Variants in ZNF530 observed in about 807,000 individuals in gnomAD.
The protein encoded by ZNF530 is zinc finger protein 530.
Under a neutral mutation model 2.8 loss-of-function variants are expected in ZNF530, and 5 were observed. The observed-to-expected ratio is 1.80, with a 90% CI of 0.94 to 3.78. The LOEUF (loss-of-function observed/expected upper bound fraction) is 3.78, where lower values mean the gene tolerates loss of function less well. Ranked by LOEUF, ZNF530 falls within the 30% of genes most tolerant of loss-of-function variation. The pLI, the probability that ZNF530 is intolerant of heterozygous loss-of-function variation, is 0.00. For missense variants in ZNF530, 619 were observed against 673.3 expected, an observed-to-expected ratio of 0.92 and a Z score of 0.89; for synonymous variants, 229 against 235.0, an observed-to-expected ratio of 0.97 and a Z score of 0.23.
Position 57,607,955 on chromosome 19 carries a change from G to A in ZNF530, c.*630G>A, listed in dbSNP as rs1309556115. 6.5e-6 allele frequency: 1 copy of A among 153,464 alleles called. No homozygotes were observed. Among genetic ancestry groups the A allele is most frequent in the Non-Finnish European group, 1.4e-5 (1 of 69,020 alleles). 9.5% of individuals were successfully genotyped at this position (153,464 alleles called of 1,614,324 possible). On this transcript the variant is annotated 3_prime_UTR_variant, in exon 4 of 4. Transcript: ENST00000597700. ...CACTACCCGCTGGGAGACCCACAGA[G>A]TGTGCATCAGTCACCACCCCAACAT...
chr19:57,607,236 G>A lies in ZNF530; in HGVS notation c.1612G>A (p.Gly538Arg). 6.2e-7 allele frequency: 1 copy of A among 1,614,020 alleles called. No homozygotes were observed. The change falls in exon 4 of 4, where the codon GGA becomes AGA. Residue 538 changes from glycine to arginine, a missense_variant. Coordinates refer to ENST00000597700, the MANE Select transcript of ZNF530 (RefSeq NM_001321981.2). ...HLIQHKTVHT[G>R]ERPYECSECG... is the part of the protein sequence containing the mutation. ...CATTCAACACAAGACAGTTCACACT[G>A]GAGAAAGGCCTTATGAATGCAGTGA...
chr19:57,600,238 G>A, intron 1 of ZNF530, 104 bp downstream of exon 1: 2 of 1,310,654 alleles, frequency 1.5e-6, no homozygotes, highest in Non-Finnish European at 2.0e-6. Context: ...GCACAGTGAG[G>A]CGCTGGTGCT....
chr19:57,606,459 C>T lies in ZNF530; in HGVS notation c.835C>T (p.Gln279Ter). The change falls in exon 4 of 4, where the codon CAA (glutamine) becomes TAA (stop). Residue 279 changes from glutamine to a stop codon, truncating the protein, a stop_gained. Coordinates refer to ENST00000597700, the MANE Select transcript of ZNF530 (RefSeq NM_001321981.2). LOFTEE classifies it low-confidence loss of function (END_TRUNC). ...KSFRQVSVLI[Q>*]HQRVHTGERP... is the part of the protein sequence containing the mutation. ...CTTTCGCCAGGTATCTGTCCTCATTCAACATCAACGAGTTCACACTGGAGA... is the reference window on the plus strand; with the variant it reads ...CTTTCGCCAGGTATCTGTCCTCATTTAACATCAACGAGTTCACACTGGAGA... 6.2e-7 allele frequency: 1 copy of T among 1,613,820 alleles called. No homozygotes were observed. Among genetic ancestry groups the T allele is most frequent in the Non-Finnish European group, 8.5e-7 (1 of 1,179,934 alleles).
intron 1 of ZNF530, 79 bp downstream of exon 1, chr19:57,600,213 G>A (rs1980161941): frequency 1.3e-6 from 2 of 1,488,552 alleles, no homozygotes; most frequent in Admixed American, 2.1e-5. Flanking sequence ...TCTGCAGCCC[G>A]GACCGCACTG....
At position 57,606,161 on chromosome 19, in the gene ZNF530, A is replaced by G. The variant is rs749410948; in HGVS notation, c.537A>G (p.Lys179=). The G allele has an allele frequency of 1.2e-6, 2 of 1,614,246 alleles. No homozygotes were observed. Among genetic ancestry groups the G allele is most frequent in the Non-Finnish European group, 1.7e-6 (2 of 1,180,044 alleles). ...LRVPTGRKPL[K]YTESRKSFRE... The stretch of plus-strand genomic sequence containing the variant: ...TTCCCACTGGACGAAAGCCTCTCAA[A>G]TACACTGAATCCAGGAAATCTTTTA... The change falls in exon 4 of 4, where the codon AAA becomes AAG. Residue 179 remains lysine (K), a synonymous_variant. Coordinates refer to ENST00000597700, the MANE Select transcript of ZNF530 (RefSeq NM_001321981.2).
chr19:57,605,960 C>G lies in ZNF530; in HGVS notation c.336C>G (p.Leu112=), dbSNP rs1980495685. The G allele has an allele frequency of 2.5e-6, 4 of 1,614,208 alleles. No individual in the cohort carries two copies. Among genetic ancestry groups the G allele is most frequent in the Non-Finnish European group, 3.4e-6 (4 of 1,180,034 alleles). The change falls in exon 4 of 4, where the codon CTC becomes CTG. Residue 112 remains leucine, a synonymous_variant. Transcript: ENST00000597700. ...AGAAGCTTGATAATGGAGAGAAGCT[C>G]TTTAAAGTGGATGGGGACCAGGCCT... ...QLQKLDNGEK[L]FKVDGDQASF...
intron 3 of ZNF530, chr19:57,604,741 G>T: frequency 5.2e-6 from 1 of 193,788 alleles, no homozygotes; most frequent in Non-Finnish European, 1.1e-5. Flanking sequence ...AAAATCTCAA[G>T]CTGCCTGTTT....
At position 57,600,067 on chromosome 19, in the gene ZNF530, A is replaced by G; in HGVS notation, c.-189A>G. On this transcript the variant is annotated 5_prime_UTR_variant, in exon 1 of 4. Coordinates refer to ENST00000597700, the MANE Select transcript of ZNF530 (RefSeq NM_001321981.2). ...CAGCTTTGCTCTTGTCTCCGCCCGG[A>G]TCGTCCACCGCTCCCGGCCCGCTCC... 1 of 1,518,114 alleles carries G rather than the reference A, an allele frequency of 6.6e-7. No homozygotes were observed. The highest frequency in any genetic ancestry group is 8.9e-7 in the Non-Finnish European group (1 of 1,122,796). The allele number at this position is 1,518,114 out of a possible 1,614,324, so 94.0% of individuals were successfully genotyped here. A position where few individuals can be genotyped will look rare whatever the true frequency, so the allele number is the denominator to read the frequency against.
At chr19:57,610,448 GTA>G (rs55670702), downstream of ZNF530, among the ~76,000 whole-genome samples, 186 of 145,646 alleles carry the variant, frequency 1.3e-3, 1 homozygote, top group Admixed American at 9.2e-3. Flanking sequence ...GTGTGTGTGT[GTA>G]TACTTACTGT....
Position 57,604,407 on chromosome 19 carries a change from G to C in ZNF530, c.61+1G>C, listed in dbSNP as rs752065234. ...AACTTTGCAGTTATGGCATCCCTAGGTAAGGCCCTCCTATTCCTCCCAGTT... is the reference window on the plus strand; with the variant it reads ...AACTTTGCAGTTATGGCATCCCTAGCTAAGGCCCTCCTATTCCTCCCAGTT... On this transcript the variant is annotated splice_donor_variant, in intron 3 of 3. Coordinates refer to ENST00000597700, the MANE Select transcript of ZNF530 (RefSeq NM_001321981.2). LOFTEE classifies it high-confidence loss of function. 1 of 1,613,094 alleles carries C rather than the reference G, an allele frequency of 6.2e-7. No individual in the cohort carries two copies. The highest frequency in any genetic ancestry group is 8.5e-7 in the Non-Finnish European group (1 of 1,179,418).
intron 2 of ZNF530, among the ~76,000 whole-genome samples, 196 bp from the exon 3 acceptor site, chr19:57,604,081 C>T (rs1354025783): frequency 6.6e-6 from 1 of 152,150 alleles, no homozygotes; most frequent in Admixed American, 6.5e-5. Context: ...TATCTGTCCA[C>T]CTGCCTGTTG....
At position 57,599,949 on chromosome 19, in the gene ZNF530, G is replaced by A; in HGVS notation, c.-307G>A. On this transcript the variant is annotated 5_prime_UTR_variant, in exon 1 of 4. Transcript: ENST00000597700. ...TGTGTCAGTTCCATCCGCGGGTGCCGGATCTGGACCTAGGTGCTGACAGCG... is the reference window on the plus strand; with the variant it reads ...TGTGTCAGTTCCATCCGCGGGTGCCAGATCTGGACCTAGGTGCTGACAGCG... 1.2e-6 allele frequency: 1 copy of A among 808,532 alleles called. No individual in the cohort carries two copies. The highest frequency in any genetic ancestry group is 1.8e-6 in the Non-Finnish European group (1 of 550,004). The allele number at this position is 808,532 out of a possible 1,614,324, so 50.1% of individuals were successfully genotyped here. A position where few individuals can be genotyped will look rare whatever the true frequency, so the allele number is the denominator to read the frequency against.
chr19:57,610,821 C>G (rs1980849400), downstream of ZNF530, among the ~76,000 whole-genome samples: 1 of 152,184 alleles, frequency 6.6e-6, no homozygotes, highest in African/African-American at 2.4e-5. Context: ...CAAGAACACA[C>G]ATATTAAGTG....
chr19:57,605,166 A>G (rs897287491), intron 3 of ZNF530: 1 of 152,588 alleles, frequency 6.6e-6, no homozygotes, highest in African/African-American at 2.4e-5. Flanking sequence ...TTTTCTACAC[A>G]TGTTCTGATT....
Position 57,607,094 on chromosome 19 carries a change from A to G in ZNF530, c.1470A>G (p.Glu490=). The change falls in exon 4 of 4, where the codon GAA becomes GAG. Residue 490 remains glutamate (E), a synonymous_variant. Transcript: ENST00000597700. ...HTNERPYECD[E]CGKSYSQSSA... ...ATGAAAGGCCTTATGAGTGCGATGAATGTGGGAAATCCTATAGCCAAAGCT... is the reference window on the plus strand; with the variant it reads ...ATGAAAGGCCTTATGAGTGCGATGAGTGTGGGAAATCCTATAGCCAAAGCT... 6.2e-7 allele frequency: 1 copy of G among 1,613,994 alleles called. No homozygotes were observed.
chr19:57,605,462 GTCAGAGAC>G (rs1194920143), intron 3 of ZNF530: 22 of 488,120 alleles, frequency 4.5e-5, no homozygotes, highest in Non-Finnish European at 7.9e-5. Flanking sequence ...AGAATAGTGA[GTCAGAGAC>G]CCTACCTGTT....
rs150850917 is a variant in ZNF530, at chr19:57,607,131, C to T, written c.1507C>T (p.Gln503Ter). 34 of 1,613,918 alleles carry T rather than the reference C, an allele frequency of 2.1e-5. No individual in the cohort carries two copies. In the Admixed American group the frequency reaches 3.8e-4, roughly 18 times the overall value. ...CTATAGCCAAAGCTCTGCCCTCCTT[C>T]AGCATAGGAGAGTTCACACTGGAGA... is the stretch of plus-strand genomic sequence containing the variant. ...KSYSQSSALL[Q>*]HRRVHTGERP... Residue 503 changes from glutamine (Q) to a stop codon, truncating the protein, a stop_gained, in exon 4 of 4, where the codon CAG becomes TAG. Coordinates refer to ENST00000597700, the MANE Select transcript of ZNF530 (RefSeq NM_001321981.2). LOFTEE classifies it low-confidence loss of function (END_TRUNC).
At position 57,607,066 on chromosome 19, in the gene ZNF530, C is replaced by G; in HGVS notation, c.1442C>G (p.Thr481Ser). 1 of 1,613,064 alleles carries G rather than the reference C, an allele frequency of 6.2e-7. No homozygotes were observed. Among genetic ancestry groups the G allele is most frequent in the Non-Finnish European group, 8.5e-7 (1 of 1,179,324 alleles). ...THLIRHQTVH[T>S]NERPYECDEC... is the part of the protein sequence containing the mutation. Reference sequence around the variant, plus strand: ...CTCATTCGACACCAGACTGTTCACACTAATGAAAGGCCTTATGAGTGCGAT... The same window carrying G: ...CTCATTCGACACCAGACTGTTCACAGTAATGAAAGGCCTTATGAGTGCGAT... The change falls in exon 4 of 4, where the codon ACT becomes AGT. Residue 481 changes from threonine to serine, a missense_variant. Thr to Ser is a moderately conservative substitution (Grantham distance 58). Coordinates refer to ENST00000597700, the MANE Select transcript of ZNF530 (RefSeq NM_001321981.2).
chr19:57,601,461 C>T (rs1980236024), intron 2 of ZNF530, among the ~76,000 whole-genome samples: 1 of 152,088 alleles, frequency 6.6e-6, no homozygotes, highest in South Asian at 2.1e-4. Flanking sequence ...ACTGGGAGAG[C>T]CAAGTAGATA....
Sources: gnomAD v4.1 joint callset for allele counts (sites outside exome capture counted in the v4.1 genomes callset) on GRCh38, gnomAD v4.1.1 for gene constraint, MANE v1.5 for transcripts, NCBI Gene and HGNC (gene_info 2026-07-23, HGNC 2026-07-21) for gene names.